Variants in KAZN observed in about 807,000 individuals in gnomAD.
The protein encoded by KAZN is kazrin.
KAZN carries 40 observed loss-of-function variants against 87.4 expected under a neutral mutation model. The observed-to-expected ratio is 0.46, with a 90% confidence interval of 0.36 to 0.60. KAZN has a LOEUF of 0.60. Ranked by LOEUF, KAZN falls within the 20% of genes least tolerant of loss-of-function variation. The probability of loss-of-function intolerance (pLI) is 0.00; values close to 1 mark genes in which losing one functional copy is unlikely to be tolerated. For synonymous variants in KAZN, 466 were observed against 458.3 expected, an observed-to-expected ratio of 1.02 and a Z score of -0.22; for missense variants, 898 against 1,073.9, an observed-to-expected ratio of 0.84 and a Z score of 2.29.
chr1:13,987,235 G>T (rs1639063422), intron 1 of KAZN, among the ~76,000 whole-genome samples: 1 of 152,074 alleles, frequency 6.6e-6, no homozygotes, highest in African/African-American at 2.4e-5. Context: ...CATGTGCCAT[G>T]GTGGTTTGCT....
rs74956840 is a variant in KAZN at position 14,418,947 on chromosome 1, G to A, written c.250-180036G>A. 4.8e-3 allele frequency among the ~76,000 whole-genome samples: 737 copies of A among 152,328 alleles called. 6 individuals carry two copies. Among genetic ancestry groups the A allele is most frequent in the Non-Finnish European group, 7.9e-3 (536 of 68,024 alleles). ...TTTGTGGGGACCACCTCGGCACCCA[G>A]AAACTGTCCCCCTGTGAACTCTTGT... is the stretch of plus-strand genomic sequence containing the variant. On this transcript the variant is annotated intron_variant, in intron 2 of 16. Transcript: ENST00000636203.
intron 2 of KAZN, among the ~76,000 whole-genome samples, chr1:14,316,255 A>C (rs1226232362): frequency 6.6e-6 from 1 of 151,840 alleles, no homozygotes; most frequent in African/African-American, 2.4e-5. Context: ...CAGTTGTAAG[A>C]GTTCTTTATG....
chr1:13,893,917 G>A lies in KAZN; in HGVS notation c.91+161G>A, dbSNP rs773635154. 2.0e-5 allele frequency among the ~76,000 whole-genome samples: 3 copies of A among 152,212 alleles called. 1 individual carries two copies. The highest frequency in any genetic ancestry group is 4.4e-5 in the Non-Finnish European group (3 of 68,032). ...GTAAGACTTAACTAGCTAGTGAAAT[G>A]TTTGCCTGGCATTTATCACTGTAAA... On this transcript the variant is annotated intron_variant, in intron 1 of 16. Transcript: ENST00000636203.
chr1:14,685,007 G>A (rs1640871299), intron 1 of KAZN, among the ~76,000 whole-genome samples: 1 of 152,166 alleles, frequency 6.6e-6, no homozygotes, highest in Non-Finnish European at 1.5e-5. Context: ...GTGCCATATT[G>A]TCCTATGTGC....
intron 2 of KAZN, among the ~76,000 whole-genome samples, chr1:14,292,163 G>A (rs1653754305): frequency 6.6e-6 from 1 of 152,216 alleles, no homozygotes; most frequent in South Asian, 2.1e-4. Flanking sequence ...TATGTCATAT[G>A]TGCGTATAGT....
At chr1:14,603,079 G>T (rs1677103924) in intron 1 of KAZN, among the ~76,000 whole-genome samples, 1 of 152,222 alleles carries the variant, frequency 6.6e-6, no homozygotes, top group Admixed American at 6.5e-5. Flanking sequence ...ACTCTTTCGT[G>T]AAGTATAAAT....
chr1:14,256,101 T>G (rs1308834601), intron 2 of KAZN, among the ~76,000 whole-genome samples: 1 of 152,244 alleles, frequency 6.6e-6, no homozygotes, highest in Admixed American at 6.5e-5. Flanking sequence ...TTCCCAGAGC[T>G]GCTTTTTTGC....
chr1:14,247,482 A>G (rs928483229), intron 2 of KAZN, among the ~76,000 whole-genome samples: 1 of 152,180 alleles, frequency 6.6e-6, no homozygotes, highest in Non-Finnish European at 1.5e-5. Flanking sequence ...TTTGCTCTCA[A>G]TGTTCAATTC....
intron 1 of KAZN, among the ~76,000 whole-genome samples, chr1:14,173,751 G>T (rs1190476058): frequency 6.7e-6 from 1 of 149,260 alleles, no homozygotes; most frequent in East Asian, 2.0e-4. Context: ...GCTGCATTTG[G>T]TTCACATGTC....
At chr1:14,826,046 G>C (rs1646876474) in intron 1 of KAZN, among the ~76,000 whole-genome samples, 1 of 152,190 alleles carries the variant, frequency 6.6e-6, no homozygotes, top group African/African-American at 2.4e-5. Flanking sequence ...TAGCAAAGAA[G>C]GGGCTGGACC....
intron 2 of KAZN, among the ~76,000 whole-genome samples, chr1:15,000,005 A>C (rs1180531010): frequency 6.6e-6 from 1 of 152,116 alleles, no homozygotes; most frequent in Non-Finnish European, 1.5e-5. Context: ...ACCTGTGGAT[A>C]TATTATATGG....
chr1:14,271,787 G>A (rs1651954808), intron 2 of KAZN, among the ~76,000 whole-genome samples: 4 of 152,156 alleles, frequency 2.6e-5, no homozygotes, highest in Admixed American at 2.6e-4. Flanking sequence ...AGTGCCCATT[G>A]CTGGTCCAAT....
At chr1:14,774,469 T>C (rs546079861) in intron 1 of KAZN, among the ~76,000 whole-genome samples, 1,337 of 87,732 alleles carry the variant, frequency 0.015, 12 homozygotes, top group Non-Finnish European at 0.019. Flanking sequence ...CTTGAACAGA[T>C]TTTTTTTTTT....
At chr1:14,100,319 C>T (rs1262590250) in intron 1 of KAZN, among the ~76,000 whole-genome samples, 2 of 152,180 alleles carry the variant, frequency 1.3e-5, no homozygotes, top group Non-Finnish European at 2.9e-5. Flanking sequence ...GCAGCTCGAC[C>T]TCAGATATGT....
Position 14,640,847 on chromosome 1 carries a change from C to T in KAZN, c.226+41624C>T, listed in dbSNP as rs184095949. Among the ~76,000 whole-genome samples, 12 of 152,304 alleles carry T rather than the reference C, an allele frequency of 7.9e-5. No individual in the cohort carries two copies. In the East Asian group the frequency reaches 9.7e-4, roughly 12 times the overall value. ...TTCTTGCTTCAGGTCTCAGATTCAG[C>T]GCCTCTCTGTTTGGAAAGGCTTGCT... On this transcript the variant is annotated intron_variant, in intron 1 of 14. Coordinates refer to ENST00000376030, the MANE Select transcript of KAZN (RefSeq NM_201628.3).
intron 2 of KAZN, among the ~76,000 whole-genome samples, chr1:15,017,859 C>T (rs1670283726): frequency 6.6e-6 from 1 of 152,120 alleles, no homozygotes; most frequent in Non-Finnish European, 1.5e-5. Context: ...CCCTATAAAC[C>T]ATTCTCATAA....
rs140458640 is a variant in KAZN at position 14,218,734 on chromosome 1, G to A, written c.249+38142G>A. Among the ~76,000 whole-genome samples the A allele has an allele frequency of 9.9e-3, 1,497 of 151,838 alleles. 19 individuals are homozygous for A. Among genetic ancestry groups the A allele is most frequent in the African/African-American group, 0.034 (1,427 of 41,426 alleles). On this transcript the variant is annotated intron_variant, in intron 2 of 16. Transcript: ENST00000636203. ...ATTTTTTAAACTGGTAAATAATGAGGGCAAAAAATAATCTGTCTTTTCTAT... is the reference window on the plus strand; with the variant it reads ...ATTTTTTAAACTGGTAAATAATGAGAGCAAAAAATAATCTGTCTTTTCTAT...
At chr1:15,003,744 G>C (rs1187351039) in intron 2 of KAZN, among the ~76,000 whole-genome samples, 1 of 152,028 alleles carries the variant, frequency 6.6e-6, no homozygotes. Context: ...CTCAGCTCAG[G>C]ATCACCATGA....
At chr1:14,278,246 C>G (rs987989518) in intron 2 of KAZN, among the ~76,000 whole-genome samples, 1 of 147,172 alleles carries the variant, frequency 6.8e-6, no homozygotes, top group Non-Finnish European at 1.5e-5. Flanking sequence ...AGTTCTTTAA[C>G]GACATAACAG....
Sources: allele counts gnomAD v4.1 joint callset (sites outside exome capture counted in the v4.1 genomes callset), GRCh38; gene constraint gnomAD v4.1.1; transcripts MANE v1.5; gene names NCBI Gene and HGNC (gene_info 2026-07-23, HGNC 2026-07-21).